The following MRPL48 variants were observed in gnomAD, a reference collection of about 807,000 sequenced individuals.
MRPL48 encodes mitochondrial ribosomal protein L48.
In MRPL48, 16 loss-of-function variants were observed where a neutral mutation model predicts 32.9. That is an observed-to-expected ratio of 0.49 (90% CI 0.33 to 0.74). The LOEUF (loss-of-function observed/expected upper bound fraction) is 0.74, where lower values mean the gene tolerates loss of function less well. MRPL48 is among the 30% of genes least tolerant of loss of function. MRPL48 has a pLI of 0.02. For synonymous variants in MRPL48, 94 were observed against 89.2 expected (o/e 1.05, Z -0.31); for missense variants, 206 against 245.3 (o/e 0.84, Z 1.07).
At chr11:73,804,902 T>C (rs1947421456) in intron 1 of MRPL48, 125 bp from the exon 2 acceptor site, 1 of 744,882 alleles carries the variant, frequency 1.3e-6, no homozygotes, top group Non-Finnish European at 2.1e-6. Flanking sequence ...GTAGCTTCTT[T>C]GTTAGATAAG....
At chr11:73,862,999 A>G (rs1047052070) in intron 6 of MRPL48, among the ~76,000 whole-genome samples, 173 bp from the exon 7 acceptor site, 4 of 152,346 alleles carry the variant, frequency 2.6e-5, no homozygotes, top group African/African-American at 9.6e-5. Flanking sequence ...ACCTTGGCAG[A>G]TGGCAGGAGA....
chr11:73,791,991 C>T (rs181236785), intron 1 of MRPL48, among the ~76,000 whole-genome samples: 23 of 152,268 alleles, frequency 1.5e-4, no homozygotes, highest in Admixed American at 1.0e-3. Flanking sequence ...CTTCTGAGCT[C>T]AAGTGATCCT....
intron 5 of MRPL48, among the ~76,000 whole-genome samples, chr11:73,846,418 C>T (rs1367137749): frequency 6.6e-6 from 1 of 152,014 alleles, no homozygotes; most frequent in Admixed American, 6.6e-5. Flanking sequence ...TCATGGGTTT[C>T]ACCATGTTGG....
chr11:73,812,206 C>T (rs546039878), intron 3 of MRPL48, among the ~76,000 whole-genome samples: 3 of 152,002 alleles, frequency 2.0e-5, no homozygotes, highest in Non-Finnish European at 2.9e-5. Context: ...ATCTTAACTC[C>T]CTCATGATAT....
chr11:73,816,961 G>A (rs1254322112), intron 3 of MRPL48, among the ~76,000 whole-genome samples: 2 of 151,834 alleles, frequency 1.3e-5, no homozygotes, highest in Non-Finnish European at 2.9e-5. Flanking sequence ...AAGCAGCTGG[G>A]ATTACAGGTG....
intron 4 of MRPL48, among the ~76,000 whole-genome samples, chr11:73,836,618 A>AT (rs1444583614): frequency 6.6e-6 from 1 of 152,194 alleles, no homozygotes; most frequent in Non-Finnish European, 1.5e-5. Context: ...AGAGTATCAT[A>AT]TGGTTATTCA....
At chr11:73,847,466 A>G (rs1253163158) in intron 5 of MRPL48, among the ~76,000 whole-genome samples, 3 of 145,108 alleles carry the variant, frequency 2.1e-5, no homozygotes, top group Non-Finnish European at 3.0e-5. Flanking sequence ...TTTGAGACGG[A>G]GTCTTGCTCT....
rs559121145 is a variant in MRPL48 at position 73,795,125 on chromosome 11, A to G, written c.21+7133A>G. On this transcript the variant is annotated intron_variant, in intron 1 of 7. Transcript: ENST00000310614. ...GAGACGGGGTCTCACCGTGTTGCCC[A>G]GGCTGGTTTTGAACTCCTGAGCTCA... Among the ~76,000 whole-genome samples the G allele has an allele frequency of 1.9e-3, 285 of 152,090 alleles. 3 individuals are homozygous for G. Among genetic ancestry groups the G allele is most frequent in the African/African-American group, 6.8e-3 (281 of 41,492 alleles).
At chr11:73,851,085 C>A in intron 5 of MRPL48, 1 of 499,094 alleles carries the variant, frequency 2.0e-6, no homozygotes, top group Admixed American at 2.2e-5. Context: ...ACAAAGGAAG[C>A]TGTTAGAACC....
chr11:73,832,433 T>C (rs1370629846), intron 4 of MRPL48: 1 of 152,342 alleles, frequency 6.6e-6, no homozygotes, highest in Non-Finnish European at 1.5e-5. Flanking sequence ...AATCACTTTA[T>C]GGTTATAGTC....
At chr11:73,796,448 C>T (rs1386114613) in intron 1 of MRPL48, among the ~76,000 whole-genome samples, 1 of 152,270 alleles carries the variant, frequency 6.6e-6, no homozygotes, top group Non-Finnish European at 1.5e-5. Context: ...CAGCCTCTTG[C>T]CTCCTTGGCC....
intron 3 of MRPL48, among the ~76,000 whole-genome samples, chr11:73,809,187 T>A (rs1477418553): frequency 6.6e-6 from 1 of 151,638 alleles, no homozygotes; most frequent in African/African-American, 2.4e-5. Context: ...CAAACTGTAG[T>A]GTACCATTTG....
In MRPL48 at chr11:73,787,911, G is replaced by A. The variant is rs1394675912; in HGVS notation, c.-61G>A. The A allele has an allele frequency of 3.1e-6, 5 of 1,594,894 alleles. No individual in the cohort carries two copies. The highest frequency in any genetic ancestry group is 1.7e-6 in the Non-Finnish European group (2 of 1,168,820). On this transcript the variant is annotated 5_prime_UTR_variant, in exon 1 of 8. Coordinates refer to ENST00000310614, the MANE Select transcript of MRPL48 (RefSeq NM_016055.6). Reference sequence around the variant, plus strand: ...CCTTCAGTGTTTTCAGACGCCCTGGGAACGCGGCTGCAGGGTCCGGTCTTC... The same window carrying A: ...CCTTCAGTGTTTTCAGACGCCCTGGAAACGCGGCTGCAGGGTCCGGTCTTC...
At chr11:73,847,417 A>G (rs1052839928) in intron 5 of MRPL48, among the ~76,000 whole-genome samples, 5 of 149,200 alleles carry the variant, frequency 3.4e-5, no homozygotes, top group Non-Finnish European at 7.4e-5. Flanking sequence ...GGTCTTCAAA[A>G]TTGTTCATCT....
chr11:73,823,978 C>T (rs1947837070), intron 3 of MRPL48, among the ~76,000 whole-genome samples: 1 of 151,832 alleles, frequency 6.6e-6, no homozygotes. Flanking sequence ...GCCTTAGCCT[C>T]CTGAGTAACT....
chr11:73,813,839 A>G (rs1410015721), intron 3 of MRPL48, among the ~76,000 whole-genome samples: 1 of 151,828 alleles, frequency 6.6e-6, no homozygotes, highest in Non-Finnish European at 1.5e-5. Context: ...CAGGAGATCA[A>G]GACCATCCTG....
chr11:73,835,227 C>T (rs755241612), intron 4 of MRPL48, among the ~76,000 whole-genome samples: 3 of 148,358 alleles, frequency 2.0e-5, no homozygotes, highest in African/African-American at 2.5e-5. Context: ...CTGCAACCTC[C>T]GACTCCCTGG....
intron 4 of MRPL48, among the ~76,000 whole-genome samples, chr11:73,844,303 C>T (rs565637479): frequency 1.4e-4 from 21 of 151,912 alleles, no homozygotes; most frequent in South Asian, 8.3e-4. Flanking sequence ...TGGTGGGGTG[C>T]GCCTGTCGTC....
At chr11:73,831,049 A>T (rs1947984374) in intron 4 of MRPL48, among the ~76,000 whole-genome samples, 1 of 152,048 alleles carries the variant, frequency 6.6e-6, no homozygotes, top group Admixed American at 6.6e-5. Context: ...CATGTTGGCC[A>T]GGCTGGTCTC....
Sources: allele counts gnomAD v4.1 joint callset (sites outside exome capture counted in the v4.1 genomes callset), GRCh38; gene constraint gnomAD v4.1.1; transcripts MANE v1.5; gene names NCBI Gene and HGNC (gene_info 2026-07-23, HGNC 2026-07-21).